Variants in TTF1 observed in about 807,000 individuals in gnomAD.
The protein encoded by TTF1 is transcription termination factor 1.
TTF1 carries 64 observed loss-of-function variants against 80.2 expected under a neutral mutation model. The observed-to-expected ratio is 0.80, with a 90% CI of 0.65 to 0.98. TTF1 has a LOEUF of 0.98. Among genes scored for constraint, TTF1 ranks in the 50% least tolerant of loss-of-function variants. The probability of loss-of-function intolerance (pLI) is 0.00; values close to 1 mark genes in which losing one functional copy is unlikely to be tolerated. For synonymous variants in TTF1, 372 were observed against 382.7 expected, an observed-to-expected ratio of 0.97 and a Z score of 0.33; for missense variants, 1,023 against 1,086.2, an observed-to-expected ratio of 0.94 and a Z score of 0.82.
intron 3 of TTF1, among the ~76,000 whole-genome samples, chr9:132,399,437 C>T (rs1849718570): frequency 1.3e-5 from 2 of 152,014 alleles, no homozygotes; most frequent in Non-Finnish European, 2.9e-5. Flanking sequence ...TATTGGGTCT[C>T]ACACAACAGA....
rs1015327498 is a variant in TTF1 at position 132,388,078 on chromosome 9, A to G, written c.2312+61T>C. The G allele has an allele frequency of 2.9e-6, 4 of 1,375,198 alleles. No individual in the cohort carries two copies. The East Asian group carries it at 9.3e-5, about 32-fold the overall frequency. The allele number at this position is 1,375,198 out of a possible 1,614,324, so 85.2% of individuals were successfully genotyped here. ...TCTCACTGCAGACTCTGCTGGGTTA[A>G]CAACTTCTCTTTGGCTAGAGACAGA... On this transcript the variant is annotated intron_variant, in intron 8 of 10. Coordinates refer to ENST00000334270, the MANE Select transcript of TTF1 (RefSeq NM_007344.4).
At chr9:132,397,027 G>A (rs1441661066) in intron 4 of TTF1, among the ~76,000 whole-genome samples, 1 of 151,954 alleles carries the variant, frequency 6.6e-6, no homozygotes, top group Non-Finnish European at 1.5e-5. Context: ...GAGCCACCGC[G>A]CCCGGCCTAA....
In TTF1 at chr9:132,402,115, A is replaced by G; in HGVS notation, c.707T>C (p.Met236Thr). 1 of 1,614,018 alleles carries G rather than the reference A, an allele frequency of 6.2e-7. No homozygotes were observed. Among genetic ancestry groups the G allele is most frequent in the Non-Finnish European group, 8.5e-7 (1 of 1,180,014 alleles). ...TCTGCCTGCTTGCGATCCTTCAGGC[A>G]TGGCCAGTGTCTCATATTCCCGGTT... Reference protein sequence around the residue: ...SSNREYETLAMPEGSQAGREA... With the variant: ...SSNREYETLATPEGSQAGREA... Residue 236 changes from methionine (M) to threonine (T), a missense_variant, in exon 2 of 11, where the codon ATG becomes ACG. By Grantham distance (81) the Met-to-Thr change is moderately conservative (BLOSUM62 -1). Coordinates refer to ENST00000334270, the MANE Select transcript of TTF1 (RefSeq NM_007344.4).
intron 2 of TTF1, among the ~76,000 whole-genome samples, chr9:132,401,158 C>T (rs1035595693): frequency 1.2e-4 from 18 of 152,098 alleles, no homozygotes; most frequent in African/African-American, 4.3e-4. Context: ...GGACAAACGT[C>T]GTCTCTACTA....
Position 132,392,112 on chromosome 9 carries a change from G to A in TTF1, c.1951C>T (p.Leu651Phe), listed in dbSNP as rs779912495. 10 of 1,614,092 alleles carry A rather than the reference G, an allele frequency of 6.2e-6. No homozygotes were observed. The highest frequency in any genetic ancestry group is 6.8e-6 in the Non-Finnish European group (8 of 1,180,036). Residue 651 changes from leucine to phenylalanine, a missense_variant, in exon 6 of 11, where the codon CTC becomes TTC. By Grantham distance (22) the Leu-to-Phe change is conservative. Coordinates refer to ENST00000334270, the MANE Select transcript of TTF1 (RefSeq NM_007344.4). ...TGTGAGAACTTGAGGGCCACGGAGA[G>A]GCTACTTCGGGCCACCATCTCACCA... The part of the protein sequence containing the change: ...TIGEMVARSS[L>F]SVALKFSQIS...
Position 132,402,656 on chromosome 9 carries a change from TC to T in TTF1, c.165del (p.Asp58IlefsTer10). 1 of 1,613,120 alleles carries T rather than the reference TC, an allele frequency of 6.2e-7. No homozygotes were observed. The highest frequency in any genetic ancestry group is 8.5e-7 in the Non-Finnish European group (1 of 1,179,808). ...EQSQITRRKK[R>X]KKDFQHLISS... ...GAAATGAGATGCTGGAAATCTTTTT[TC>T]CTCTTTTTCCTCCTAGTTATTTGAG... On this transcript the variant is annotated frameshift_variant, in exon 2 of 11. Transcript: ENST00000334270. LOFTEE classifies it high-confidence loss of function.
intron 10 of TTF1, among the ~76,000 whole-genome samples, chr9:132,377,738 G>GC (rs1170600520): frequency 8.5e-6 from 1 of 117,496 alleles, no homozygotes; most frequent in African/African-American, 3.4e-5. Flanking sequence ...GAGTGCATGT[G>GC]GTGTGAGTGC....
chr9:132,391,443 T>A (rs1467697012), intron 6 of TTF1, among the ~76,000 whole-genome samples: 1 of 151,974 alleles, frequency 6.6e-6, no homozygotes, highest in Non-Finnish European at 1.5e-5. Flanking sequence ...CAATAACAAT[T>A]TGGATGAATA....
At chr9:132,379,012 G>A in intron 10 of TTF1, 47 bp downstream of exon 10, 1 of 1,430,664 alleles carries the variant, frequency 7.0e-7, no homozygotes, top group Non-Finnish European at 9.6e-7. Flanking sequence ...CCAGCATGTG[G>A]CACCAAATGC....
chr9:132,392,015 T>A, intron 6 of TTF1, 61 bp downstream of exon 6: 1 of 1,608,788 alleles, frequency 6.2e-7, no homozygotes, highest in South Asian at 1.1e-5. Flanking sequence ...CGGTTATGGC[T>A]GAACCAGGCC....
intron 10 of TTF1, among the ~76,000 whole-genome samples, chr9:132,378,078 T>A (rs1339516316): frequency 1.6e-5 from 2 of 123,322 alleles, no homozygotes; most frequent in South Asian, 2.6e-4. Flanking sequence ...ATGTGGTGTG[T>A]GTGAGTGCAT....
chr9:132,378,169 T>C, intron 10 of TTF1, among the ~76,000 whole-genome samples: 1 of 123,696 alleles, frequency 8.1e-6, no homozygotes, highest in Non-Finnish European at 1.7e-5. Flanking sequence ...GTGCATGTGG[T>C]GTGTGTGAAT....
In TTF1 at chr9:132,390,861, A is replaced by T. The variant is rs372770604; in HGVS notation, c.1988-30T>A. 135 of 1,582,686 alleles carry T rather than the reference A, an allele frequency of 8.5e-5. No individual in the cohort carries two copies. In the African/African-American group the frequency reaches 1.6e-3, roughly 19 times the overall value. On this transcript the variant is annotated intron_variant, in intron 6 of 10. Transcript: ENST00000334270. ...AGATATAAAAAGATGGTCTTATAGT[A>T]GCTAGTCTATTTGCTTTCAAACACA...
chr9:132,375,728 T>C lies in TTF1; in HGVS notation c.*187A>G. 1.3e-5 allele frequency: 7 copies of C among 531,142 alleles called. No homozygotes were observed. The highest frequency in any genetic ancestry group is 2.3e-5 in the Non-Finnish European group (7 of 298,164). The allele number at this position is 531,142 out of a possible 1,614,324, so 32.9% of individuals were successfully genotyped here. ...AAGGGACAAGAAATAGTAATCTCTC[T>C]CTCTCATGCGGTGGTGCGATCTTGG... On this transcript the variant is annotated 3_prime_UTR_variant, in exon 11 of 11. Coordinates refer to ENST00000334270, the MANE Select transcript of TTF1 (RefSeq NM_007344.4).
chr9:132,396,615 C>G, intron 4 of TTF1, 104 bp from the exon 5 acceptor site: 1 of 883,058 alleles, frequency 1.1e-6, no homozygotes, highest in Admixed American at 2.1e-5. Context: ...TATCCTAAGC[C>G]CCGTGTTAAG....
At chr9:132,403,268 T>C (rs1316547309) in intron 1 of TTF1, among the ~76,000 whole-genome samples, 3 of 152,150 alleles carry the variant, frequency 2.0e-5, no homozygotes, top group Admixed American at 6.5e-5. Flanking sequence ...TTATTCTAGA[T>C]ACACAGGTGG....
intron 3 of TTF1, among the ~76,000 whole-genome samples, chr9:132,399,757 C>T (rs986232395): frequency 2.6e-5 from 4 of 152,140 alleles, no homozygotes; most frequent in African/African-American, 9.7e-5. Flanking sequence ...AACCAATTAA[C>T]CTCTCGTCCC....
At position 132,376,825 on chromosome 9, in the gene TTF1, C is replaced by G. The variant is rs371388842; in HGVS notation, c.2465-657G>C. 2.6e-5 allele frequency among the ~76,000 whole-genome samples: 4 copies of G among 152,132 alleles called. No homozygotes were observed. The East Asian group carries it at 7.7e-4, about 29-fold the overall frequency. ...CCTCCCAAGTAGCTGGGAACACAGA[C>G]AAGCACCACCATGCCTGGACACTTT... is the stretch of plus-strand genomic sequence containing the variant. On this transcript the variant is annotated intron_variant, in intron 10 of 10. Coordinates refer to ENST00000334270, the MANE Select transcript of TTF1 (RefSeq NM_007344.4).
At chr9:132,377,870 ATGCATGTGGTGTGTGTGAG>A (rs1348366555) in intron 10 of TTF1, among the ~76,000 whole-genome samples, 1 of 106,994 alleles carries the variant, frequency 9.3e-6, no homozygotes, top group African/African-American at 4.0e-5. Flanking sequence ...GTGTGAGTGC[ATGCATGTGGTGTGTGTGAG>A]TGCATGTGGT....
Sources: allele counts gnomAD v4.1 joint callset (sites outside exome capture counted in the v4.1 genomes callset), GRCh38; gene constraint gnomAD v4.1.1; transcripts MANE v1.5; gene names NCBI Gene and HGNC (gene_info 2026-07-23, HGNC 2026-07-21).